The following TRIM26 variants were observed in gnomAD, a reference collection of about 807,000 sequenced individuals.
TRIM26 encodes the protein tripartite motif containing 26.
Under a neutral mutation model 45.5 loss-of-function variants are expected in TRIM26, and 16 were observed. The observed-to-expected ratio is 0.35, with a 90% CI of 0.24 to 0.53. The LOEUF (loss-of-function observed/expected upper bound fraction) is 0.53. Ranked by LOEUF, TRIM26 falls within the 20% of genes least tolerant of loss-of-function variation. TRIM26 has a pLI of 0.92. For synonymous variants in TRIM26, 273 were observed against 290.4 expected (o/e 0.94, Z 0.61); for missense variants, 442 against 691.1 (o/e 0.64, Z 4.04).
At chr6:30,197,231 C>T (rs970854529) in intron 5 of TRIM26, among the ~76,000 whole-genome samples, 2 of 152,164 alleles carry the variant, frequency 1.3e-5, no homozygotes, top group African/African-American at 4.8e-5. Flanking sequence ...CATCCTGTTT[C>T]CTCAGCAAAA....
chr6:30,196,596 C>A lies in TRIM26; in HGVS notation c.685G>T (p.Val229Phe), dbSNP rs370328471. Residue 229 changes from valine to phenylalanine, a missense_variant, in exon 6 of 10, where the codon GTC becomes TTC. By Grantham distance (50) the Val-to-Phe change is conservative. Transcript: ENST00000454678. This position sits in a 1 kb window ranked among gnomAD's most constrained non-coding sequence, Gnocchi z 4.9. ...AGGGCCAGCCGGGCAAGCTCCCCGA[C>A]GCCCCGGCTCTTGAACTTCTCCCTG... ...EGREKFKSRG[V>F]GELARLALVI... The A allele has an allele frequency of 6.2e-7, 1 of 1,613,514 alleles. No homozygotes were observed. Among genetic ancestry groups the A allele is most frequent in the Admixed American group, 1.7e-5 (1 of 60,032 alleles).
chr6:30,193,935 T>A (rs1003205798), intron 6 of TRIM26, among the ~76,000 whole-genome samples: 2 of 152,244 alleles, frequency 1.3e-5, no homozygotes, highest in Non-Finnish European at 2.9e-5. Flanking sequence ...ATCCTGCAAC[T>A]TTACTGAATT....
In TRIM26 at chr6:30,199,081, C is replaced by T. The variant is rs1776820881; in HGVS notation, c.23G>A (p.Arg8Gln). ...GCAGGTCACCTCCTCTTCCAGGCTC[C>T]GTAGTGGGGCTGACGTGGCCATGGT... The part of the protein sequence containing the change: MATSAPL[R>Q]SLEEEVTCSI... Residue 8 changes from arginine to glutamine, a missense_variant, in exon 4 of 10, where the codon CGG (arginine) becomes CAG (glutamine). Physicochemically the swap from Arg to Gln is conservative, Grantham distance 43. Transcript: ENST00000454678. 17 of 1,575,060 alleles carry T rather than the reference C, an allele frequency of 1.1e-5. No individual in the cohort carries two copies. The highest frequency in any genetic ancestry group is 2.7e-5 in the African/African-American group (2 of 74,274).
At position 30,201,077 on chromosome 6, in the gene TRIM26, A is replaced by G. The variant is rs1777119436; in HGVS notation, c.-204T>C. 6.6e-6 allele frequency: 1 copy of G among 152,270 alleles called. No individual in the cohort carries two copies. The highest frequency in any genetic ancestry group is 2.1e-4 in the South Asian group (1 of 4,834). 9.4% of individuals were successfully genotyped at this position (152,270 alleles called of 1,614,324 possible). On this transcript the variant is annotated 5_prime_UTR_variant, in exon 3 of 10. Coordinates refer to ENST00000454678, the MANE Select transcript of TRIM26 (RefSeq NM_003449.5). ...CTATAGATCCATGGAAGGCAACTAC[A>G]GCAGCGCTGGGAAGACAACCAGCAG... is the stretch of plus-strand genomic sequence containing the variant.
chr6:30,211,049 T>A (rs1327626773), intron 1 of TRIM26, among the ~76,000 whole-genome samples: 2 of 152,198 alleles, frequency 1.3e-5, no homozygotes, highest in Admixed American at 1.3e-4. Flanking sequence ...GACCTTTTTA[T>A]CTCCAATATC....
chr6:30,196,802 C>A lies in TRIM26; in HGVS notation c.535-56G>T. ...ACACCTCTGCTCAGGGTGGAGGGCC[C>A]AGTGCTGGAGGTGTGCAAGGCTGGC... On this transcript the variant is annotated intron_variant, in intron 5 of 9. Coordinates refer to ENST00000454678, the MANE Select transcript of TRIM26 (RefSeq NM_003449.5). This position sits in a 1 kb window ranked among gnomAD's most constrained non-coding sequence, Gnocchi z 4.9. 1 of 1,582,252 alleles carries A rather than the reference C, an allele frequency of 6.3e-7. No individual in the cohort carries two copies. Among genetic ancestry groups the A allele is most frequent in the Non-Finnish European group, 8.7e-7 (1 of 1,154,632 alleles).
chr6:30,187,917 CAA>C (rs34936729), intron 9 of TRIM26, among the ~76,000 whole-genome samples: 5 of 43,592 alleles, frequency 1.1e-4, no homozygotes, highest in African/African-American at 1.7e-4. Flanking sequence ...GACTCCATCT[CAA>C]AAAAAAAAAA....
rs1012178485 is a variant in TRIM26, at chr6:30,189,263, G to A, written c.905-64C>T. ...AAATTTATGAGCCCATTTCTTGCTC[G>A]GGCAGTATCAATTTCCTGATAGGGA... is the stretch of plus-strand genomic sequence containing the variant. On this transcript the variant is annotated intron_variant, in intron 8 of 9. Coordinates refer to ENST00000454678, the MANE Select transcript of TRIM26 (RefSeq NM_003449.5). The surrounding 1 kb of genome is among the most constrained non-coding windows in gnomAD (Gnocchi z 5.0). The A allele has an allele frequency of 7.5e-6, 12 of 1,607,974 alleles. No homozygotes were observed. The highest frequency in any genetic ancestry group is 6.7e-5 in the Admixed American group (4 of 60,010).
intron 3 of TRIM26, 60 bp downstream of exon 3, chr6:30,200,975 A>G (rs1026855398): frequency 6.6e-6 from 1 of 152,262 alleles, no homozygotes; most frequent in African/African-American, 2.4e-5. Context: ...GGAAGTGAGC[A>G]GAACCAGCCA....
At chr6:30,204,794 CA>C (rs9278611) in intron 1 of TRIM26, 29 bp from the exon 2 acceptor site, 34,091 of 142,838 alleles carry the variant, frequency 0.24, 4,322 homozygotes, top group African/African-American at 0.34. Context: ...AAATCAGAGC[CA>C]AAAAAAAAAA....
Position 30,195,072 on chromosome 6 carries a change from G to C in TRIM26, c.765+1444C>G, listed in dbSNP as rs193140072. Among the ~76,000 whole-genome samples the C allele has an allele frequency of 3.2e-4, 49 of 152,178 alleles. No individual in the cohort carries two copies. In the East Asian group the frequency reaches 7.5e-3, roughly 23 times the overall value. ...TTCCCTTGACCTTATCCCACCCCAG[G>C]GAGAGCTGCAATCTGAGTGCTCTGA... On this transcript the variant is annotated intron_variant, in intron 6 of 9. Coordinates refer to ENST00000454678, the MANE Select transcript of TRIM26 (RefSeq NM_003449.5).
chr6:30,185,836 G>C lies in TRIM26; in HGVS notation c.*40C>G, dbSNP rs773045600. 8 of 1,570,178 alleles carry C rather than the reference G, an allele frequency of 5.1e-6. No homozygotes were observed. In the African/African-American group the frequency reaches 1.1e-4, roughly 21 times the overall value. Reference sequence around the variant, plus strand: ...GAGAGTCCTGGAATTCCAAAGAAGTGAAGCATCTGAGGGTTGGGGCTGGGG... The same window carrying C: ...GAGAGTCCTGGAATTCCAAAGAAGTCAAGCATCTGAGGGTTGGGGCTGGGG... On this transcript the variant is annotated 3_prime_UTR_variant, in exon 10 of 10. Transcript: ENST00000454678. This position sits in a 1 kb window ranked among gnomAD's most constrained non-coding sequence, Gnocchi z 5.7.
chr6:30,190,457 A>T lies in TRIM26; in HGVS notation c.766-422T>A, dbSNP rs1775716219. ...CCCACCAAGGGTTTCAAGTAGGGGC[A>T]TGATATGTGTGATCCGCTCTACATG... On this transcript the variant is annotated intron_variant, in intron 6 of 9. Transcript: ENST00000454678. This position sits in a 1 kb window ranked among gnomAD's most constrained non-coding sequence, Gnocchi z 4.3. 4.5e-6 allele frequency: 1 copy of T among 224,420 alleles called. No individual in the cohort carries two copies. The highest frequency in any genetic ancestry group is 5.0e-5 in the Admixed American group (1 of 20,118). The allele number at this position is 224,420 out of a possible 1,614,324, so 13.9% of individuals were successfully genotyped here. A position where few individuals can be genotyped will look rare whatever the true frequency, so the allele number is the denominator to read the frequency against.
rs935033100 is a variant in TRIM26, at chr6:30,185,627, AC to A, written c.*248del. 1 of 548,160 alleles carries A rather than the reference AC, an allele frequency of 1.8e-6. No homozygotes were observed. The highest frequency in any genetic ancestry group is 1.9e-5 in the African/African-American group (1 of 52,610). 34.0% of individuals were successfully genotyped at this position (548,160 alleles called of 1,614,324 possible). A position where few individuals can be genotyped will look rare whatever the true frequency, so the allele number is the denominator to read the frequency against. On this transcript the variant is annotated 3_prime_UTR_variant, in exon 10 of 10. Transcript: ENST00000454678. This position sits in a 1 kb window ranked among gnomAD's most constrained non-coding sequence, Gnocchi z 5.7. ...TCAAAAAGGAAAGGAGCCCTCATGG[AC>A]TCCAGGGTCAGAAGTTCCCTCGGGA... is the stretch of plus-strand genomic sequence containing the variant.
At position 30,209,223 on chromosome 6, in the gene TRIM26, C is replaced by T. The variant is rs774509982; in HGVS notation, c.-376+4082G>A. 6.6e-6 allele frequency among the ~76,000 whole-genome samples: 1 copy of T among 152,114 alleles called. No individual in the cohort carries two copies. The highest frequency in any genetic ancestry group is 1.5e-5 in the Non-Finnish European group (1 of 68,004). ...CATCAGCAAGGGAGTTAGTGCTTTTCATCAAATTTGAGACACCTGTGACAT... is the reference window on the plus strand; with the variant it reads ...CATCAGCAAGGGAGTTAGTGCTTTTTATCAAATTTGAGACACCTGTGACAT... On this transcript the variant is annotated intron_variant, in intron 1 of 9. Coordinates refer to ENST00000454678, the MANE Select transcript of TRIM26 (RefSeq NM_003449.5). The surrounding 1 kb of genome is among the most constrained non-coding windows in gnomAD (Gnocchi z 4.8).
intron 1 of TRIM26, among the ~76,000 whole-genome samples, chr6:30,210,235 C>T (rs1161299143): frequency 1.3e-5 from 2 of 151,566 alleles, no homozygotes; most frequent in South Asian, 2.1e-4. Context: ...CACAGACATC[C>T]TCCCCTGCCC....
At chr6:30,212,645 T>C (rs1243970625) in intron 1 of TRIM26, among the ~76,000 whole-genome samples, 1 of 152,222 alleles carries the variant, frequency 6.6e-6, no homozygotes, top group African/African-American at 2.4e-5. Flanking sequence ...TTAGGGATTA[T>C]GATTTCAGCT....
intron 2 of TRIM26, among the ~76,000 whole-genome samples, chr6:30,201,644 G>T (rs1279056324): frequency 6.6e-6 from 1 of 152,118 alleles, no homozygotes; most frequent in African/African-American, 2.4e-5. Context: ...AGGAGATTGA[G>T]ACCATCCTGG....
intron 6 of TRIM26, among the ~76,000 whole-genome samples, chr6:30,192,155 G>A (rs1387847754): frequency 1.3e-5 from 2 of 152,226 alleles, no homozygotes; most frequent in African/African-American, 4.8e-5. Context: ...ATCCGCCCAA[G>A]TCTCCTGGAG....
Sources: allele counts gnomAD v4.1 joint callset (sites outside exome capture counted in the v4.1 genomes callset), GRCh38; gene constraint gnomAD v4.1.1; non-coding constraint Gnocchi (gnomAD v3.1); transcripts MANE v1.5; gene names NCBI Gene and HGNC (gene_info 2026-07-23, HGNC 2026-07-21).